Variants in CRHR1 observed in about 807,000 individuals in gnomAD.
The protein encoded by CRHR1 is corticotropin-releasing hormone receptor 1.
Under a neutral mutation model 56.0 loss-of-function variants are expected in CRHR1, and 28 were observed. That is an observed-to-expected ratio of 0.50 (90% CI 0.37 to 0.69). The LOEUF (loss-of-function observed/expected upper bound fraction) is 0.69, where lower values mean the gene tolerates loss of function less well. Ranked by LOEUF, CRHR1 falls within the 30% of genes least tolerant of loss-of-function variation. CRHR1 has a pLI of 0.00. For synonymous variants in CRHR1, 195 were observed against 216.5 expected, an observed-to-expected ratio of 0.90 and a Z score of 0.87; for missense variants, 376 against 548.0, an observed-to-expected ratio of 0.69 and a Z score of 3.13.
intron 2 of CRHR1, among the ~76,000 whole-genome samples, chr17:45,814,863 A>G (rs959024646): frequency 2.6e-5 from 4 of 152,268 alleles, no homozygotes; most frequent in Non-Finnish European, 5.9e-5. Flanking sequence ...GCCCCAATCC[A>G]GATTTCTTTC....
intron 1 of CRHR1, among the ~76,000 whole-genome samples, chr17:45,801,730 C>G (rs751360723): frequency 6.6e-6 from 1 of 152,138 alleles, no homozygotes; most frequent in African/African-American, 2.4e-5. Flanking sequence ...CTGAAAGGAG[C>G]GCCAGTGGCT....
chr17:45,829,862 A>C (rs569159434), intron 5 of CRHR1, among the ~76,000 whole-genome samples: 3 of 152,064 alleles, frequency 2.0e-5, no homozygotes, highest in Admixed American at 2.0e-4. Flanking sequence ...CACAGGCTCC[A>C]TGGAGTGCCA....
In CRHR1 at chr17:45,785,580, G is replaced by A. The variant is rs1375612010; in HGVS notation, c.33+1003G>A. On this transcript the variant is annotated intron_variant, in intron 1 of 12. Transcript: ENST00000314537. ...AGGGTCCGCTCCAGCCACAAACATA[G>A]ACACCAGCTTGACCCGGCTCAGGGC... Among the ~76,000 whole-genome samples, 5 of 152,248 alleles carry A rather than the reference G, an allele frequency of 3.3e-5. No homozygotes were observed. In the East Asian group the frequency reaches 9.6e-4, roughly 29 times the overall value.
chr17:45,820,292 C>T (rs2062013899), intron 3 of CRHR1, among the ~76,000 whole-genome samples: 2 of 152,148 alleles, frequency 1.3e-5, no homozygotes. Flanking sequence ...ATGCCAGAGC[C>T]GGGTACAGGG....
In CRHR1 at chr17:45,795,425, G is replaced by T. The variant is rs559683064; in HGVS notation, c.33+10848G>T. 3.9e-5 allele frequency among the ~76,000 whole-genome samples: 6 copies of T among 152,332 alleles called. No individual in the cohort carries two copies. The East Asian group carries it at 1.2e-3, about 29-fold the overall frequency. On this transcript the variant is annotated intron_variant, in intron 1 of 12. Transcript: ENST00000314537. Reference sequence around the variant, plus strand: ...AACCTCAGCACTATTGACATTTGGGGCCAGATAATCCTTCACTGTGGGGGC... The same window carrying T: ...AACCTCAGCACTATTGACATTTGGGTCCAGATAATCCTTCACTGTGGGGGC...
chr17:45,814,634 TCCC>T (rs1346804699), intron 2 of CRHR1, among the ~76,000 whole-genome samples: 2 of 151,460 alleles, frequency 1.3e-5, no homozygotes, highest in Admixed American at 1.3e-4. Flanking sequence ...CCCCCAGCTC[TCCC>T]CCCAAGTCCC....
chr17:45,799,887 A>G (rs1052719063), intron 1 of CRHR1: 1 of 152,082 alleles, frequency 6.6e-6, no homozygotes, highest in Non-Finnish European at 1.5e-5. Context: ...ATCCATCTCA[A>G]CCCAGTGTCT....
intron 1 of CRHR1, among the ~76,000 whole-genome samples, chr17:45,803,375 T>TTTTA (rs2061658115): frequency 6.6e-6 from 1 of 152,040 alleles, no homozygotes; most frequent in Non-Finnish European, 1.5e-5. Flanking sequence ...TTTCTTTCTT[T>TTTTA]TTTATTTATT....
At position 45,830,452 on chromosome 17, in the gene CRHR1, C is replaced by G. The variant is rs755743910; in HGVS notation, c.591C>G (p.Tyr197Ter). ...GGTTGGTGACAGCCGCCTACAACTA[C>G]TTCCATGTGACCAACTTCTTCTGGA... ...WCRLVTAAYN[Y>*]FHVTNFFWMF... The change falls in exon 7 of 13, where the codon TAC becomes TAG. Residue 197 changes from tyrosine (Y) to a stop codon, truncating the protein, a stop_gained. Transcript: ENST00000314537. LOFTEE classifies it high-confidence loss of function. The G allele has an allele frequency of 6.2e-7, 1 of 1,613,510 alleles. No homozygotes were observed. The highest frequency in any genetic ancestry group is 2.2e-5 in the East Asian group (1 of 44,880).
chr17:45,800,724 G>C (rs1159398601), intron 1 of CRHR1: 1 of 152,346 alleles, frequency 6.6e-6, no homozygotes, highest in Non-Finnish European at 1.5e-5. Context: ...TGGCTCTGCC[G>C]AAGGCCAGTG....
intron 8 of CRHR1, among the ~76,000 whole-genome samples, chr17:45,832,093 G>A (rs2062325550): frequency 7.6e-6 from 1 of 132,390 alleles, no homozygotes; most frequent in Admixed American, 7.7e-5. Flanking sequence ...TTAGCTGGGT[G>A]TGGTGGTGCG....
chr17:45,820,738 A>C (rs2062022321), intron 3 of CRHR1, among the ~76,000 whole-genome samples: 2 of 152,040 alleles, frequency 1.3e-5, no homozygotes, highest in Non-Finnish European at 2.9e-5. Flanking sequence ...ACCTTCCAAC[A>C]CAGGCCCGCT....
intron 4 of CRHR1, among the ~76,000 whole-genome samples, chr17:45,828,968 C>T (rs557253030): frequency 2.0e-5 from 3 of 152,156 alleles, no homozygotes; most frequent in Non-Finnish European, 2.9e-5. Context: ...GGGAATCCCA[C>T]GTGATGTGGA....
intron 4 of CRHR1, among the ~76,000 whole-genome samples, chr17:45,823,948 G>A (rs1417315500): frequency 6.6e-6 from 1 of 152,242 alleles, no homozygotes; most frequent in Admixed American, 6.5e-5. Context: ...ACCTTTGGGT[G>A]GCACTCAAGG....
At position 45,784,320 on chromosome 17, in the gene CRHR1, G is replaced by A. The variant is rs2061285859; in HGVS notation, c.-225G>A. On this transcript the variant is annotated 5_prime_UTR_variant, in exon 1 of 13. Coordinates refer to ENST00000314537, the MANE Select transcript of CRHR1 (RefSeq NM_004382.5). This position sits in a 1 kb window ranked among gnomAD's most constrained non-coding sequence, Gnocchi z 4.2. ...AGGCGGCCGCGGGCCGGGCTGCGTC[G>A]GGAAACGGCGGCCAGACTTCCCCGG... 3.7e-6 allele frequency: 1 copy of A among 268,586 alleles called. No individual in the cohort carries two copies. The highest frequency in any genetic ancestry group is 6.9e-6 in the Non-Finnish European group (1 of 145,076). The allele number at this position is 268,586 out of a possible 1,614,324, so 16.6% of individuals were successfully genotyped here. A position where few individuals can be genotyped will look rare whatever the true frequency, so the allele number is the denominator to read the frequency against.
intron 1 of CRHR1, among the ~76,000 whole-genome samples, chr17:45,788,074 G>C (rs1038656477): frequency 2.6e-5 from 4 of 152,206 alleles, no homozygotes; most frequent in African/African-American, 9.6e-5. Flanking sequence ...CTAACATTTG[G>C]CTCCTCAAAA....
At chr17:45,832,079 A>AAAAAAAAAAC (rs1255282967) in intron 8 of CRHR1, among the ~76,000 whole-genome samples, 11 of 152,050 alleles carry the variant, frequency 7.2e-5, no homozygotes, top group Non-Finnish European at 1.6e-4. Context: ...CAAAAAAACA[A>AAAAAAAAAAC]AAATTAGCTG....
At chr17:45,806,630 C>T (rs986229021) in intron 1 of CRHR1, among the ~76,000 whole-genome samples, 1 of 152,114 alleles carries the variant, frequency 6.6e-6, no homozygotes. Context: ...TGTGTGTGCA[C>T]ATGCACACGT....
chr17:45,798,143 C>G (rs916674684), intron 1 of CRHR1, among the ~76,000 whole-genome samples: 3 of 152,176 alleles, frequency 2.0e-5, no homozygotes, highest in Non-Finnish European at 2.9e-5. Context: ...AGTGAAAACC[C>G]ATCTGTTCAC....
Sources: allele counts gnomAD v4.1 joint callset (sites outside exome capture counted in the v4.1 genomes callset), GRCh38; gene constraint gnomAD v4.1.1; non-coding constraint Gnocchi (gnomAD v3.1); transcripts MANE v1.5; gene names NCBI Gene and HGNC (gene_info 2026-07-23, HGNC 2026-07-21).